HGH1: variants seen among roughly 807,000 people sequenced by gnomAD.
HGH1 encodes the protein co-chaperone protein HGH1 homolog.
A neutral mutation model predicts 31.7 loss-of-function variants in HGH1; 31 were observed. The ratio of observed to expected loss-of-function variants is 0.98; its 90% CI spans 0.73 to 1.32. HGH1 has a LOEUF of 1.32. Among genes scored for constraint, HGH1 ranks in the 40% most tolerant of loss-of-function variants. HGH1 has a pLI of 0.00. For synonymous variants in HGH1, 284 were observed against 293.6 expected, an observed-to-expected ratio of 0.97 and a Z score of 0.34; for missense variants, 618 against 594.4, an observed-to-expected ratio of 1.04 and a Z score of -0.41.
Position 144,137,961 on chromosome 8 carries a change from G to T in HGH1, c.126G>T (p.Val42=). ...GGGCGGACCTGCAGGCGGCGGCGGT[G>T]CGGCACGTGCTGGCGCTGACTGGCT... The part of the protein sequence containing the change: ...GARADLQAAA[V]RHVLALTGCG... The change falls in exon 1 of 6, where the codon GTG becomes GTT. Residue 42 remains valine (V), a synonymous_variant. Transcript: ENST00000347708. 1.5e-6 allele frequency: 2 copies of T among 1,335,068 alleles called. No individual in the cohort carries two copies. Among genetic ancestry groups the T allele is most frequent in the Non-Finnish European group, 1.9e-6 (2 of 1,045,536 alleles). 82.7% of individuals were successfully genotyped at this position (1,335,068 alleles called of 1,614,324 possible).
At position 144,140,527 on chromosome 8, in the gene HGH1, CT is replaced by C. The variant is rs1815176429; in HGVS notation, c.*976del. 1 of 152,464 alleles carries C rather than the reference CT, an allele frequency of 6.6e-6. No homozygotes were observed. The highest frequency in any genetic ancestry group is 6.5e-5 in the Admixed American group (1 of 15,290). 9.4% of individuals were successfully genotyped at this position (152,464 alleles called of 1,614,324 possible). ...GATCCTGAGGGCTGGCCCCTGCTCA[CT>C]GATGGGCCCTCCCAGGCCCGTCAAG... is the stretch of plus-strand genomic sequence containing the variant. On this transcript the variant is annotated 3_prime_UTR_variant, in exon 6 of 6. Transcript: ENST00000347708.
Position 144,140,376 on chromosome 8 carries a change from C to T in HGH1, c.*824C>T, listed in dbSNP as rs1815173261. 1 of 152,592 alleles carries T rather than the reference C, an allele frequency of 6.6e-6. No individual in the cohort carries two copies. The highest frequency in any genetic ancestry group is 1.5e-5 in the Non-Finnish European group (1 of 68,342). The allele number at this position is 152,592 out of a possible 1,614,324, so 9.5% of individuals were successfully genotyped here. Reference sequence around the variant, plus strand: ...GCCCAGGCGCCTTACGTGCTTCTCCCCTGGACCTATGTGCATCCCTCACCT... The same window carrying T: ...GCCCAGGCGCCTTACGTGCTTCTCCTCTGGACCTATGTGCATCCCTCACCT... On this transcript the variant is annotated 3_prime_UTR_variant, in exon 6 of 6. Coordinates refer to ENST00000347708, the MANE Select transcript of HGH1 (RefSeq NM_016458.4).
At chr8:144,138,948 GCAGAGCCTGGCT>G in intron 3 of HGH1, 49 bp from the exon 4 acceptor site, 1 of 1,601,648 alleles carries the variant, frequency 6.2e-7, no homozygotes, top group East Asian at 2.2e-5. Flanking sequence ...ACTTACACAG[GCAGAGCCTGGCT>G]CAGCTGCCCA....
intron 1 of HGH1, 31 bp downstream of exon 1, chr8:144,138,459 AGGGGACGGAAGTTAGG>A (rs1815129325): frequency 1.1e-5 from 18 of 1,589,448 alleles, no homozygotes; most frequent in Non-Finnish European, 1.4e-5. Flanking sequence ...GCGGGCGGGG[AGGGGACGGAAGTTAGG>A]GGGGACGGCC....
In HGH1 at chr8:144,139,835, G is replaced by A. The variant is rs1413412136; in HGVS notation, c.*283G>A. ...GGTGGAGGTGGCAGGCGGATGGCCA[G>A]GGAGCCATGAGAAGACTCTTCCTGG... On this transcript the variant is annotated 3_prime_UTR_variant, in exon 6 of 6. Transcript: ENST00000347708. 3.5e-6 allele frequency: 2 copies of A among 574,070 alleles called. No homozygotes were observed. The highest frequency in any genetic ancestry group is 6.2e-6 in the Non-Finnish European group (2 of 324,528). The allele number at this position is 574,070 out of a possible 1,614,324, so 35.6% of individuals were successfully genotyped here.
At position 144,138,659 on chromosome 8, in the gene HGH1, C is replaced by T. The variant is rs1334370433; in HGVS notation, c.694+52C>T. 5.6e-6 allele frequency: 9 copies of T among 1,607,776 alleles called. No individual in the cohort carries two copies. The East Asian group carries it at 6.7e-5, about 12-fold the overall frequency. On this transcript the variant is annotated intron_variant, in intron 2 of 5. Transcript: ENST00000347708. ...GTTGCCAGGTGTGGGGACTGGACTC[C>T]GGGGCTGCTCTGGACCAGTTTCCAT...
At position 144,139,005 on chromosome 8, in the gene HGH1, C is replaced by T. The variant is rs1815144480; in HGVS notation, c.794-4C>T. 5.6e-6 allele frequency: 9 copies of T among 1,613,220 alleles called. No individual in the cohort carries two copies. Among genetic ancestry groups the T allele is most frequent in the Admixed American group, 1.7e-5 (1 of 59,748 alleles). On this transcript the variant is annotated splice_polypyrimidine_tract_variant and splice_region_variant and intron_variant, in intron 3 of 5. Coordinates refer to ENST00000347708, the MANE Select transcript of HGH1 (RefSeq NM_016458.4). Reference sequence around the variant, plus strand: ...CACAGTGGCTCCCACACACTCACCCCTAGGGCTGCCTGTCGACTTGCAGTA... The same window carrying T: ...CACAGTGGCTCCCACACACTCACCCTTAGGGCTGCCTGTCGACTTGCAGTA...
chr8:144,139,384 G>T lies in HGH1; in HGVS notation c.1009-4G>T, dbSNP rs1815153834. The T allele has an allele frequency of 6.2e-7, 1 of 1,613,776 alleles. No individual in the cohort carries two copies. The highest frequency in any genetic ancestry group is 1.7e-5 in the Admixed American group (1 of 59,962). On this transcript the variant is annotated splice_region_variant and splice_polypyrimidine_tract_variant and intron_variant, in intron 5 of 5. Coordinates refer to ENST00000347708, the MANE Select transcript of HGH1 (RefSeq NM_016458.4). ...CAGCTGCTCACCTGCTTCCCGTCTG[G>T]CAGGTGCTTATTGGGGACGAGCCTG...
Position 144,139,484 on chromosome 8 carries a change from A to AGGGAGCAGGAGCAGT in HGH1, c.1106_1120dup (p.Gln373_Leu374insTrpGluGlnGluGln). ...GCAGCAGCTGCAGCAGCTGGATTGC[A>AGGGAGCAGGAGCAGT]GGGAGCAGGAGCAGTTGGAGCGGGA... On this transcript the variant is annotated inframe_insertion, in exon 6 of 6. Coordinates refer to ENST00000347708, the MANE Select transcript of HGH1 (RefSeq NM_016458.4). 1.3e-6 allele frequency: 2 copies of AGGGAGCAGGAGCAGT among 1,574,020 alleles called. No homozygotes were observed. The highest frequency in any genetic ancestry group is 1.7e-6 in the Non-Finnish European group (2 of 1,159,712).
chr8:144,139,468 G>A lies in HGH1; in HGVS notation c.1089G>A (p.Leu363=), dbSNP rs1436837527. 5.7e-6 allele frequency: 9 copies of A among 1,583,176 alleles called. No homozygotes were observed. In the East Asian group the frequency reaches 1.8e-4, roughly 32 times the overall value. The change falls in exon 6 of 6, where the codon CTG becomes CTA. Residue 363 remains leucine (L), a synonymous_variant. Transcript: ENST00000347708. ...TGCCTGAGGATGTGGAGCAGCAGCT[G>A]CAGCAGCTGGATTGCAGGGAGCAGG... is the stretch of plus-strand genomic sequence containing the variant. ...VQVPEDVEQQ[L]QQLDCREQEQ...
rs966563814 is a variant in HGH1, at chr8:144,138,423, C to A, written c.588C>A (p.Pro196=). The change falls in exon 1 of 6, where the codon CCC becomes CCA. Residue 196 remains proline (P), a synonymous_variant. Coordinates refer to ENST00000347708, the MANE Select transcript of HGH1 (RefSeq NM_016458.4). ...RPAARAFLLD[P]DRCVVQRLLP... Reference sequence around the variant, plus strand: ...CGGCGCGGGCCTTCCTACTGGACCCCGACAGGTGAAGCCCAGGGCGCCCGC... The same window carrying A: ...CGGCGCGGGCCTTCCTACTGGACCCAGACAGGTGAAGCCCAGGGCGCCCGC... The A allele has an allele frequency of 1.4e-4, 230 of 1,589,150 alleles. 3 individuals carry two copies. In the African/African-American group the frequency reaches 2.3e-3, roughly 16 times the overall value.
In HGH1 at chr8:144,139,914, A is replaced by C; in HGVS notation, c.*362A>C. The C allele has an allele frequency of 2.4e-6, 1 of 414,742 alleles. No homozygotes were observed. Among genetic ancestry groups the C allele is most frequent in the Non-Finnish European group, 4.5e-6 (1 of 224,160 alleles). 25.7% of individuals were successfully genotyped at this position (414,742 alleles called of 1,614,324 possible). Reference sequence around the variant, plus strand: ...ACTGCAAGCCCCAAGGAGCCAGCTGAAGCCTCCCAATCCCCAGGGCACTGC... The same window carrying C: ...ACTGCAAGCCCCAAGGAGCCAGCTGCAGCCTCCCAATCCCCAGGGCACTGC... On this transcript the variant is annotated 3_prime_UTR_variant, in exon 6 of 6. Transcript: ENST00000347708.
Position 144,138,049 on chromosome 8 carries a change from G to T in HGH1, c.214G>T (p.Ala72Ser). 3 of 1,310,318 alleles carry T rather than the reference G, an allele frequency of 2.3e-6. No homozygotes were observed. The highest frequency in any genetic ancestry group is 2.9e-6 in the Non-Finnish European group (3 of 1,026,884). The allele number at this position is 1,310,318 out of a possible 1,614,324, so 81.2% of individuals were successfully genotyped here. A position where few individuals can be genotyped will look rare whatever the true frequency, so the allele number is the denominator to read the frequency against. The stretch of plus-strand genomic sequence containing the variant: ...GCTGCTGCAGGCGCTGATGGAGCTG[G>T]CGCCGGCCTCTGCCCCGGCCCGGGA... ...AALLQALMELAPASAPARDAA... is the reference protein window; with the variant it reads ...AALLQALMELSPASAPARDAA... The change falls in exon 1 of 6, where the codon GCG (alanine) becomes TCG (serine). Residue 72 changes from alanine to serine, a missense_variant. Transcript: ENST00000347708.
Position 144,138,553 on chromosome 8 carries a change from T to C in HGH1, c.640T>C (p.Ser214Pro). Residue 214 changes from serine (S) to proline (P), a missense_variant, in exon 2 of 6, where the codon TCT (serine) becomes CCT (proline). By Grantham distance (74) the Ser-to-Pro change is moderately conservative (BLOSUM62 -1). Coordinates refer to ENST00000347708, the MANE Select transcript of HGH1 (RefSeq NM_016458.4). ...GCCCCTTACCCAGTACCCCGACTCC[T>C]CTGTACGCAGGGGCGGGGTGGTGGG... Reference protein sequence around the residue: ...LLPLTQYPDSSVRRGGVVGTL... With the variant: ...LLPLTQYPDSPVRRGGVVGTL... The C allele has an allele frequency of 6.2e-7, 1 of 1,612,682 alleles. No individual in the cohort carries two copies. Among genetic ancestry groups the C allele is most frequent in the Non-Finnish European group, 8.5e-7 (1 of 1,179,528 alleles).
Position 144,137,904 on chromosome 8 carries a change from G to T in HGH1, c.69G>T (p.Val23=). The T allele has an allele frequency of 1.5e-6, 2 of 1,318,984 alleles. No homozygotes were observed. The highest frequency in any genetic ancestry group is 2.1e-5 in the South Asian group (1 of 47,660). 81.7% of individuals were successfully genotyped at this position (1,318,984 alleles called of 1,614,324 possible). A position where few individuals can be genotyped will look rare whatever the true frequency, so the allele number is the denominator to read the frequency against. The change falls in exon 1 of 6, where the codon GTG becomes GTT. Residue 23 remains valine (V), a synonymous_variant. Transcript: ENST00000347708. The part of the protein sequence containing the change: ...GPEASPEAEV[V]KLLPFLAPGA... ...AGGCAAGCCCGGAGGCAGAGGTGGT[G>T]AAGCTGCTGCCCTTCCTGGCGCCGG...
rs1287369232 is a variant in HGH1 at position 144,139,147 on chromosome 8, A to G, written c.886-42A>G. On this transcript the variant is annotated intron_variant, in intron 4 of 5. Transcript: ENST00000347708. ...ATAAGCACCACCCCAACACACACAC[A>G]TGAGCATGCTGACATCTGGGTAACC... 4 of 1,613,818 alleles carry G rather than the reference A, an allele frequency of 2.5e-6. No individual in the cohort carries two copies. In the African/African-American group the frequency reaches 5.3e-5, roughly 22 times the overall value.
Position 144,138,994 on chromosome 8 carries a change from CACACTCACCCCT to C in HGH1, c.794-13_794-2del, listed in dbSNP as rs1419238508. ...CAGCCCAGGGACACAGTGGCTCCCACACACTCACCCCTAGGGCTGCCTGTCGACTTGCAGTAC... is the reference window on the plus strand; with the variant it reads ...CAGCCCAGGGACACAGTGGCTCCCACAGGGCTGCCTGTCGACTTGCAGTAC... On this transcript the variant is annotated splice_polypyrimidine_tract_variant and splice_region_variant and intron_variant, in intron 3 of 5. Transcript: ENST00000347708. 5.3e-5 allele frequency: 85 copies of C among 1,612,628 alleles called. 1 individual carries two copies. In the Admixed American group the frequency reaches 1.4e-3, roughly 26 times the overall value.
In HGH1 at chr8:144,137,985, C is replaced by T. The variant is rs1340972189; in HGVS notation, c.150C>T (p.Gly50=). The change falls in exon 1 of 6, where the codon GGC becomes GGT. Residue 50 remains glycine (G), a synonymous_variant. Transcript: ENST00000347708. ...AAVRHVLALT[G]CGPGRALLAG... is the part of the protein sequence containing the mutation. ...TGCGGCACGTGCTGGCGCTGACTGGCTGCGGACCCGGCCGCGCGCTGTTGG... is the reference window on the plus strand; with the variant it reads ...TGCGGCACGTGCTGGCGCTGACTGGTTGCGGACCCGGCCGCGCGCTGTTGG... 8 of 1,330,586 alleles carry T rather than the reference C, an allele frequency of 6.0e-6. No individual in the cohort carries two copies. Among genetic ancestry groups the T allele is most frequent in the Middle Eastern group, 5.7e-4 (2 of 3,528 alleles). The allele number at this position is 1,330,586 out of a possible 1,614,324, so 82.4% of individuals were successfully genotyped here.
At position 144,140,650 on chromosome 8, in the gene HGH1, T is replaced by G. The variant is rs1286817921; in HGVS notation, c.*1098T>G. On this transcript the variant is annotated 3_prime_UTR_variant, in exon 6 of 6. Coordinates refer to ENST00000347708, the MANE Select transcript of HGH1 (RefSeq NM_016458.4). ...GTCCCCTATGGTCTCCTGCTGTGGCTTGGGTGCCGGGCGTCTCCCGCCTCC... is the reference window on the plus strand; with the variant it reads ...GTCCCCTATGGTCTCCTGCTGTGGCGTGGGTGCCGGGCGTCTCCCGCCTCC... The G allele has an allele frequency of 5.2e-5, 8 of 152,456 alleles. No homozygotes were observed. Among genetic ancestry groups the G allele is most frequent in the African/African-American group, 1.9e-4 (8 of 41,444 alleles). 9.4% of individuals were successfully genotyped at this position (152,456 alleles called of 1,614,324 possible).
Sources: gnomAD v4.1 joint callset for allele counts on GRCh38, gnomAD v4.1.1 for gene constraint, MANE v1.5 for transcripts, NCBI Gene and HGNC (gene_info 2026-07-23, HGNC 2026-07-21) for gene names.